The following OPCML variants were observed in gnomAD, a reference collection of about 807,000 sequenced individuals.
OPCML encodes the protein opioid-binding protein/cell adhesion molecule.
In OPCML, 13 loss-of-function variants were observed where a neutral mutation model predicts 37.8. That is an observed-to-expected ratio of 0.34 (90% CI 0.22 to 0.55). The LOEUF (loss-of-function observed/expected upper bound fraction) is 0.55, where lower values mean the gene tolerates loss of function less well. OPCML is among the 20% of genes least tolerant of loss of function. The pLI is 0.91. For synonymous variants in OPCML, 176 were observed against 168.8 expected (o/e 1.04, Z -0.33); for missense variants, 341 against 435.6 (o/e 0.78, Z 1.93).
intron 7 of OPCML, among the ~76,000 whole-genome samples, chr11:132,425,392 C>T (rs536586820): frequency 9.3e-4 from 141 of 152,122 alleles, no homozygotes; most frequent in Non-Finnish European, 1.8e-3. Context: ...TTTTAAGAGT[C>T]AGAACTGAAT....
chr11:132,717,192 T>C (rs1002904301), intron 2 of OPCML, among the ~76,000 whole-genome samples: 3 of 152,222 alleles, frequency 2.0e-5, no homozygotes, highest in East Asian at 1.9e-4. Context: ...CACTTTGTTA[T>C]TGGATGCTAA....
chr11:133,146,517 G>T (rs1382825958), intron 1 of OPCML, among the ~76,000 whole-genome samples: 3 of 152,094 alleles, frequency 2.0e-5, no homozygotes, highest in Non-Finnish European at 4.4e-5. Context: ...GTTTCACTAT[G>T]TTGGCAGGGC....
intron 2 of OPCML, among the ~76,000 whole-genome samples, chr11:132,923,755 A>ATT (rs71038509): frequency 0.022 from 2,008 of 92,006 alleles, 154 homozygotes; most frequent in African/African-American, 0.067. Context: ...AGTTACTTGA[A>ATT]TTTTTTTTTT....
At position 132,570,804 on chromosome 11, in the gene OPCML, T is replaced by TGAGAGAGAGAGAGAGAGAGAG. The variant is rs1271040683; in HGVS notation, c.380-41619_380-41618insCTCTCTCTCTCTCTCTCTCTC. On this transcript the variant is annotated intron_variant, in intron 3 of 7. Transcript: ENST00000524381. ...ATATATATATATATATATATATATT[T>TGAGAGAGAGAGAGAGAGAGAG]AGAGAGAGAGAGAGAGGATATATAC... Among the ~76,000 whole-genome samples the TGAGAGAGAGAGAGAGAGAGAG allele has an allele frequency of 1.6e-3, 143 of 90,750 alleles. 4 individuals carry two copies. Among genetic ancestry groups the TGAGAGAGAGAGAGAGAGAGAG allele is most frequent in the African/African-American group, 3.4e-3 (69 of 20,130 alleles). 59.5% of individuals were successfully genotyped at this position (90,750 alleles called of 152,430 possible).
intron 4 of OPCML, among the ~76,000 whole-genome samples, chr11:132,464,494 A>G (rs557887476): frequency 1.3e-5 from 2 of 152,234 alleles, no homozygotes; most frequent in East Asian, 3.8e-4. Context: ...TAATGTCTGG[A>G]ATATGGCCTG....
At chr11:132,660,593 T>A (rs1198472925) in intron 2 of OPCML, among the ~76,000 whole-genome samples, 3 of 152,150 alleles carry the variant, frequency 2.0e-5, no homozygotes, top group Non-Finnish European at 4.4e-5. Context: ...TCAGAAATGT[T>A]GGGAAAATAC....
chr11:132,525,506 T>G (rs1445905663), intron 4 of OPCML, among the ~76,000 whole-genome samples: 1 of 152,202 alleles, frequency 6.6e-6, no homozygotes, highest in African/African-American at 2.4e-5. Flanking sequence ...TTCTTATTCT[T>G]CCATGTTGAA....
At chr11:133,210,655 G>T (rs1306501985) in intron 1 of OPCML, among the ~76,000 whole-genome samples, 1 of 152,212 alleles carries the variant, frequency 6.6e-6, no homozygotes, top group Non-Finnish European at 1.5e-5. Flanking sequence ...GGCTTTAGAG[G>T]AGCTAAAGGT....
At chr11:132,855,370 C>T (rs1197047763) in intron 2 of OPCML, among the ~76,000 whole-genome samples, 4 of 152,186 alleles carry the variant, frequency 2.6e-5, no homozygotes, top group African/African-American at 9.7e-5. Flanking sequence ...AAGCCTTAGT[C>T]TCTGCATTCT....
At chr11:132,520,170 ACCCTTGGGTG>A (rs2096289272) in intron 4 of OPCML, among the ~76,000 whole-genome samples, 1 of 152,206 alleles carries the variant, frequency 6.6e-6, no homozygotes, top group Non-Finnish European at 1.5e-5. Flanking sequence ...GCTAGTGAGC[ACCCTTGGGTG>A]CCCCAGATAA....
At position 132,868,678 on chromosome 11, in the gene OPCML, C is replaced by A. The variant is rs374822931; in HGVS notation, c.146+74248G>T. Among the ~76,000 whole-genome samples the A allele has an allele frequency of 1.2e-4, 19 of 152,200 alleles. No individual in the cohort carries two copies. In the East Asian group the frequency reaches 3.7e-3, roughly 30 times the overall value. ...GGCCATTGTTTCTCTCAGCCTCTAG[C>A]ACTGTGGGCTTAAAAACCCAGAAAT... On this transcript the variant is annotated intron_variant, in intron 2 of 7. Transcript: ENST00000524381.
intron 1 of OPCML, among the ~76,000 whole-genome samples, chr11:133,133,020 C>A (rs1949630106): frequency 6.6e-6 from 1 of 152,180 alleles, no homozygotes; most frequent in Non-Finnish European, 1.5e-5. Flanking sequence ...TCAGAGAAAC[C>A]AGAAAGCTTA....
chr11:132,758,709 A>G lies in OPCML; in HGVS notation c.147-101390T>C, dbSNP rs115793422. ...CTTAAGGAGTTTTTGGGCTTAAACA[A>G]TGGTGTTTTCTAAATACACAATCAT... On this transcript the variant is annotated intron_variant, in intron 2 of 7. Transcript: ENST00000524381. 8.8e-3 allele frequency among the ~76,000 whole-genome samples: 1,337 copies of G among 152,326 alleles called. 17 individuals are homozygous for G. Among genetic ancestry groups the G allele is most frequent in the African/African-American group, 0.029 (1,196 of 41,574 alleles).
intron 1 of OPCML, among the ~76,000 whole-genome samples, chr11:133,464,067 A>T (rs544091870): frequency 0.13 from 20,073 of 152,108 alleles, 3,155 homozygotes; most frequent in African/African-American, 0.37. Flanking sequence ...TATAGATCCC[A>T]ACAGATAAGA....
At chr11:133,224,073 G>A (rs527786079) in intron 1 of OPCML, among the ~76,000 whole-genome samples, 153 of 152,324 alleles carry the variant, frequency 1.0e-3, no homozygotes, top group Admixed American at 2.5e-3. Context: ...GAACTGCCCA[G>A]CTGAGATAAC....
chr11:133,042,826 C>T (rs555140645), intron 1 of OPCML, among the ~76,000 whole-genome samples: 40 of 152,248 alleles, frequency 2.6e-4, no homozygotes, highest in African/African-American at 8.7e-4. Context: ...AGTCATATTT[C>T]TGTCATGGGC....
intron 2 of OPCML, among the ~76,000 whole-genome samples, chr11:132,659,686 T>G (rs1941869500): frequency 6.6e-6 from 1 of 151,256 alleles, no homozygotes; most frequent in Admixed American, 6.6e-5. Context: ...TTAAAAATTT[T>G]TTTAAGTCAC....
chr11:133,176,260 C>A (rs1448904938), intron 1 of OPCML, among the ~76,000 whole-genome samples: 2 of 151,262 alleles, frequency 1.3e-5, no homozygotes, highest in South Asian at 2.1e-4. Context: ...CAAAGCTGTG[C>A]AAACCTGGAA....
chr11:132,586,209 C>T (rs773207075), intron 3 of OPCML, among the ~76,000 whole-genome samples: 5 of 152,170 alleles, frequency 3.3e-5, no homozygotes, highest in Non-Finnish European at 5.9e-5. Context: ...TTTGTACATG[C>T]CTCTGCCCCA....
Sources: allele counts gnomAD v4.1 joint callset (sites outside exome capture counted in the v4.1 genomes callset), GRCh38; gene constraint gnomAD v4.1.1; transcripts MANE v1.5; gene names NCBI Gene and HGNC (gene_info 2026-07-23, HGNC 2026-07-21).